The following PRDM2 variants were observed in gnomAD, a reference collection of about 807,000 sequenced individuals.
PRDM2 encodes PR/SET domain 2.
A neutral mutation model predicts 130.0 loss-of-function variants in PRDM2; 30 were observed. The ratio of observed to expected loss-of-function variants is 0.23; its 90% CI spans 0.17 to 0.31. The LOEUF is 0.31. Among genes scored for constraint, PRDM2 ranks in the 10% least tolerant of loss-of-function variants. PRDM2 has a pLI of 1.00. For synonymous variants in PRDM2, 871 were observed against 782.4 expected, an observed-to-expected ratio of 1.11 and a Z score of -1.89; for missense variants, 2,011 against 2,108.4, an observed-to-expected ratio of 0.95 and a Z score of 0.90.
At position 13,804,496 on chromosome 1, in the gene PRDM2, G is replaced by A. The variant is rs113749076; in HGVS notation, c.5037-11931G>A. On this transcript the variant is annotated intron_variant, in intron 8 of 9. Transcript: ENST00000311066. ...TCCCCCAGCCCCATGCTCTTGCGGCGTCTGCATGCAGATGCCTCTCCCAGG... is the reference window on the plus strand; with the variant it reads ...TCCCCCAGCCCCATGCTCTTGCGGCATCTGCATGCAGATGCCTCTCCCAGG... Among the ~76,000 whole-genome samples the A allele has an allele frequency of 4.2e-3, 632 of 152,258 alleles. 1 individual carries two copies. Among genetic ancestry groups the A allele is most frequent in the African/African-American group, 0.014 (590 of 41,554 alleles).
At chr1:13,745,832 G>C (rs1299190614) in intron 5 of PRDM2, among the ~76,000 whole-genome samples, 2 of 152,194 alleles carry the variant, frequency 1.3e-5, no homozygotes, top group Admixed American at 1.3e-4. Context: ...GGATGGATGA[G>C]TTTTAGGCTT....
chr1:13,780,264 A>T lies in PRDM2; in HGVS notation c.2469A>T (p.Pro823=), dbSNP rs766757876. Residue 823 remains proline (P), a synonymous_variant, in exon 8 of 10, where the codon CCA becomes CCT. Coordinates refer to ENST00000311066, the MANE Select transcript of PRDM2 (RefSeq NM_001393986.1). ...SAFSSVCNQQ[P]LDLSSGVKQK... ...TTAGCAGTGTGTGCAACCAGCAGCC[A>T]CTGGATTTATCCAGCGGTGTCAAAC... 42 of 1,613,836 alleles carry T rather than the reference A, an allele frequency of 2.6e-5. No homozygotes were observed. In the South Asian group the frequency reaches 3.3e-4, roughly 13 times the overall value.
chr1:13,810,671 T>TTTTTAGTA (rs1422222252), intron 8 of PRDM2, among the ~76,000 whole-genome samples: 1 of 151,870 alleles, frequency 6.6e-6, no homozygotes, highest in African/African-American at 2.4e-5. Flanking sequence ...ATTTTTTGTA[T>TTTTTAGTA]TTTTAGTAGA....
chr1:13,731,511 T>C lies in PRDM2; in HGVS notation c.127+394T>C, dbSNP rs536186776. Among the ~76,000 whole-genome samples, 59 of 152,256 alleles carry C rather than the reference T, an allele frequency of 3.9e-4. 2 individuals carry two copies. The highest frequency in any genetic ancestry group is 1.7e-3 in the Admixed American group (26 of 15,288). On this transcript the variant is annotated intron_variant, in intron 3 of 9. Transcript: ENST00000311066. ...CATTGTTTTGTAATATTTTTACACTTGGCTCTGTTATTGCTTGTGAGTGCC... is the reference window on the plus strand; with the variant it reads ...CATTGTTTTGTAATATTTTTACACTCGGCTCTGTTATTGCTTGTGAGTGCC...
At chr1:13,812,165 T>A (rs756399988) in intron 8 of PRDM2, among the ~76,000 whole-genome samples, 6 of 151,018 alleles carry the variant, frequency 4.0e-5, no homozygotes, top group Non-Finnish European at 7.4e-5. Flanking sequence ...GGGGGGAGGG[T>A]GCAGCGTCGA....
intron 2 of PRDM2, among the ~76,000 whole-genome samples, chr1:13,723,082 G>A (rs1642787713): frequency 1.3e-5 from 2 of 152,076 alleles, no homozygotes; most frequent in Admixed American, 1.3e-4. Context: ...GTGCAGCCGC[G>A]GTGGCCTCTT....
chr1:13,727,641 G>A (rs978661905), intron 2 of PRDM2, among the ~76,000 whole-genome samples: 1 of 152,154 alleles, frequency 6.6e-6, no homozygotes, highest in Admixed American at 6.6e-5. Flanking sequence ...ATCAGCCATT[G>A]TATGTATGTG....
chr1:13,805,241 G>A (rs1300293251), intron 8 of PRDM2, among the ~76,000 whole-genome samples: 1 of 152,164 alleles, frequency 6.6e-6, no homozygotes, highest in Non-Finnish European at 1.5e-5. Flanking sequence ...TCATTTTACA[G>A]GCAAGACTTC....
Position 13,772,708 on chromosome 1 carries a change from C to G in PRDM2, c.512-370C>G, listed in dbSNP as rs1644385389. 3.3e-5 allele frequency among the ~76,000 whole-genome samples: 5 copies of G among 152,120 alleles called. No homozygotes were observed. In the South Asian group the frequency reaches 1.0e-3, roughly 32 times the overall value. ...ATATGCTTCTTACAAATAGCCAATC[C>G]CTATTAGCTGTGTGGCATTGAAATT... On this transcript the variant is annotated intron_variant, in intron 6 of 9. Transcript: ENST00000311066.
At chr1:13,732,442 T>A (rs1462438456) in intron 3 of PRDM2, among the ~76,000 whole-genome samples, 1 of 152,216 alleles carries the variant, frequency 6.6e-6, no homozygotes, top group Non-Finnish European at 1.5e-5. Context: ...CATTCCAATA[T>A]TTTTTCTCTT....
intron 8 of PRDM2, among the ~76,000 whole-genome samples, chr1:13,808,623 A>G (rs949250442): frequency 1.3e-5 from 2 of 152,078 alleles, no homozygotes; most frequent in South Asian, 4.1e-4. Context: ...CACTGAACAG[A>G]TTTCTTGGTG....
At chr1:13,807,792 C>T (rs76602888) in intron 8 of PRDM2, among the ~76,000 whole-genome samples, 3,837 of 152,238 alleles carry the variant, frequency 0.025, 142 homozygotes, top group African/African-American at 0.086. Flanking sequence ...AATGCCCTTG[C>T]ATTGTCTTCA....
chr1:13,739,025 T>C (rs942606351), intron 4 of PRDM2: 1 of 151,954 alleles, frequency 6.6e-6, no homozygotes, highest in East Asian at 1.9e-4. Context: ...TTTTACCAAA[T>C]TGAGATTATC....
At chr1:13,777,936 G>A (rs901357169) in intron 7 of PRDM2, among the ~76,000 whole-genome samples, 5 of 152,022 alleles carry the variant, frequency 3.3e-5, no homozygotes, top group Non-Finnish European at 7.4e-5. Flanking sequence ...AGGGAGAGAG[G>A]ATCATTTACT....
intron 6 of PRDM2, among the ~76,000 whole-genome samples, chr1:13,768,677 C>T (rs1644290399): frequency 6.6e-6 from 1 of 152,234 alleles, no homozygotes; most frequent in African/African-American, 2.4e-5. Flanking sequence ...ACCCACTGCT[C>T]CTGGCCCTTG....
In PRDM2 at chr1:13,788,191, C is replaced by T. The variant is rs371481456; in HGVS notation, c.5036+5360C>T. ...CTCTAATTTAAAAGTGCGGCGTCTACTCAGCCCACCTGGCGTCTGTTCACT... is the reference window on the plus strand; with the variant it reads ...CTCTAATTTAAAAGTGCGGCGTCTATTCAGCCCACCTGGCGTCTGTTCACT... On this transcript the variant is annotated intron_variant, in intron 8 of 9. Transcript: ENST00000311066. 49 of 787,530 alleles carry T rather than the reference C, an allele frequency of 6.2e-5. No individual in the cohort carries two copies. In the South Asian group the frequency reaches 2.4e-3, roughly 38 times the overall value. 48.8% of individuals were successfully genotyped at this position (787,530 alleles called of 1,614,324 possible).
At chr1:13,758,661 A>G (rs1167810720) in intron 6 of PRDM2, among the ~76,000 whole-genome samples, 1 of 152,102 alleles carries the variant, frequency 6.6e-6, no homozygotes, top group Non-Finnish European at 1.5e-5. Context: ...AAATATCCTA[A>G]GGGATTCTGG....
At chr1:13,815,312 A>G (rs565425184) in intron 8 of PRDM2, among the ~76,000 whole-genome samples, 94 of 152,064 alleles carry the variant, frequency 6.2e-4, no homozygotes, top group Non-Finnish European at 1.0e-3. Context: ...GGGTTTCACC[A>G]TGTTCGCCAG....
intron 1 of PRDM2, among the ~76,000 whole-genome samples, chr1:13,709,139 G>A (rs187438286): frequency 4.6e-5 from 7 of 151,258 alleles, no homozygotes; most frequent in Admixed American, 4.6e-4. Context: ...ATTGACATCT[G>A]AAGTTTACAG....
Sources: gnomAD v4.1 joint callset for allele counts (sites outside exome capture counted in the v4.1 genomes callset) on GRCh38, gnomAD v4.1.1 for gene constraint, MANE v1.5 for transcripts, NCBI Gene and HGNC (gene_info 2026-07-23, HGNC 2026-07-21) for gene names.